Variants in PTK2B observed in about 807,000 individuals in gnomAD.
The protein encoded by PTK2B is protein tyrosine kinase 2 beta, also known as protein-tyrosine kinase 2-beta.
PTK2B carries 71 observed loss-of-function variants against 142.9 expected under a neutral mutation model. That is an observed-to-expected ratio of 0.50 (90% CI 0.41 to 0.61). The LOEUF (loss-of-function observed/expected upper bound fraction) is 0.61, where lower values mean the gene tolerates loss of function less well. Among genes scored for constraint, PTK2B ranks in the 20% least tolerant of loss-of-function variants. The probability of loss-of-function intolerance (pLI) is 0.00; values close to 1 mark genes in which losing one functional copy is unlikely to be tolerated. For missense variants in PTK2B, 1,105 were observed against 1,320.4 expected (o/e 0.84, Z 2.53); for synonymous variants, 519 against 503.4 (o/e 1.03, Z -0.42).
At chr8:27,388,990 T>C (rs1454183864) in intron 1 of PTK2B, among the ~76,000 whole-genome samples, 1 of 152,164 alleles carries the variant, frequency 6.6e-6, no homozygotes, top group Non-Finnish European at 1.5e-5. Context: ...CAGCATGTCA[T>C]GGGGTTTCCT....
chr8:27,346,912 G>GT (rs1804744907), intron 1 of PTK2B, among the ~76,000 whole-genome samples: 1 of 152,234 alleles, frequency 6.6e-6, no homozygotes, highest in Non-Finnish European at 1.5e-5. Flanking sequence ...AATGATGACT[G>GT]TTTTGCAGTT....
At position 27,364,323 on chromosome 8, in the gene PTK2B, C is replaced by G. The variant is rs577499517; in HGVS notation, c.-37-33225C>G. ...ATACTCCTGGGTGAATGATGGCCTC[C>G]TCCAAGAATTCCAGGTCCTATGCTA... On this transcript the variant is annotated intron_variant, in intron 1 of 30. Transcript: ENST00000346049. Among the ~76,000 whole-genome samples, 18 of 152,358 alleles carry G rather than the reference C, an allele frequency of 1.2e-4. 1 individual carries two copies. In the South Asian group the frequency reaches 3.7e-3, roughly 32 times the overall value.
intron 1 of PTK2B, among the ~76,000 whole-genome samples, chr8:27,354,798 A>C (rs2130619318): frequency 6.6e-6 from 1 of 152,152 alleles, no homozygotes; most frequent in East Asian, 1.9e-4. Flanking sequence ...TGCTTGTAGG[A>C]TCTCACCAAC....
chr8:27,382,664 C>G (rs1384054090), intron 1 of PTK2B, among the ~76,000 whole-genome samples: 1 of 152,070 alleles, frequency 6.6e-6, no homozygotes, highest in Non-Finnish European at 1.5e-5. Flanking sequence ...ATTTACCCTG[C>G]TTTCTTCTAG....
chr8:27,312,860 A>AT (rs1368356927), intron 2 of PTK2B, among the ~76,000 whole-genome samples: 1 of 152,210 alleles, frequency 6.6e-6, no homozygotes, highest in African/African-American at 2.4e-5. Context: ...TAAGAGCCCG[A>AT]TTCCAGAGAG....
At chr8:27,397,500 G>A in intron 1 of PTK2B, 48 bp from the exon 2 acceptor site, 2 of 1,414,524 alleles carry the variant, frequency 1.4e-6, no homozygotes, top group Admixed American at 1.7e-5. Flanking sequence ...TGAGGTATGT[G>A]GGCCTGTGTG....
rs771908485 is a variant in PTK2B, at chr8:27,445,785, C to T, written c.2215-9C>T. On this transcript the variant is annotated splice_polypyrimidine_tract_variant and intron_variant, in intron 23 of 30. Transcript: ENST00000346049. ...CCGTGCCTTGTGCTTCTTTGCTTTT[C>T]CTGAATAGGTTCCTGAGGGTCTGTG... 6.2e-7 allele frequency: 1 copy of T among 1,613,448 alleles called. No individual in the cohort carries two copies. Among genetic ancestry groups the T allele is most frequent in the African/African-American group, 1.3e-5 (1 of 75,058 alleles).
chr8:27,431,510 G>A (rs770017802), intron 9 of PTK2B, 38 bp downstream of exon 9: 10 of 1,611,582 alleles, frequency 6.2e-6, no homozygotes, highest in Admixed American at 3.3e-5. Context: ...AGCCCCAGGC[G>A]GGGAGGTCGT....
intron 13 of PTK2B, among the ~76,000 whole-genome samples, 185 bp downstream of exon 13, chr8:27,434,744 G>C (rs1301844723): frequency 6.6e-6 from 1 of 152,184 alleles, no homozygotes; most frequent in African/African-American, 2.4e-5. Flanking sequence ...GCTCATGCCT[G>C]TAATCCCAGC....
intron 22 of PTK2B, 70 bp from the exon 23 acceptor site, chr8:27,444,136 G>A (rs375673939): frequency 6.8e-7 from 1 of 1,481,370 alleles, no homozygotes; most frequent in East Asian, 2.3e-5. Context: ...TTGACCTGAT[G>A]TTCCCCTTGG....
chr8:27,339,649 G>A (rs1402826525), intron 1 of PTK2B, among the ~76,000 whole-genome samples: 5 of 152,218 alleles, frequency 3.3e-5, no homozygotes, highest in African/African-American at 7.2e-5. Flanking sequence ...TGGGACAATG[G>A]AAAGACTGGC....
chr8:27,410,330 G>C (rs896909340), intron 2 of PTK2B, among the ~76,000 whole-genome samples: 1 of 143,078 alleles, frequency 7.0e-6, no homozygotes, highest in Non-Finnish European at 1.5e-5. Flanking sequence ...CACAGCAAAG[G>C]CCTCAGCCCA....
At chr8:27,332,189 G>A (rs747832959) in intron 1 of PTK2B, among the ~76,000 whole-genome samples, 3 of 152,224 alleles carry the variant, frequency 2.0e-5, no homozygotes, top group South Asian at 4.1e-4. Flanking sequence ...GAGAGTCAGA[G>A]GGCAGGAGGC....
At chr8:27,376,856 A>G (rs1806702627) in intron 1 of PTK2B, among the ~76,000 whole-genome samples, 1 of 152,244 alleles carries the variant, frequency 6.6e-6, no homozygotes, top group Non-Finnish European at 1.5e-5. Context: ...GCAGCCTTCA[A>G]GACTGCTGTG....
intron 1 of PTK2B, among the ~76,000 whole-genome samples, chr8:27,367,790 C>G (rs1207807118): frequency 6.6e-6 from 1 of 152,124 alleles, no homozygotes; most frequent in African/African-American, 2.4e-5. Flanking sequence ...GTGCCAGCCT[C>G]CTTTTTAAAC....
At chr8:27,360,859 A>G (rs2322609) in intron 1 of PTK2B, among the ~76,000 whole-genome samples, 124,725 of 152,166 alleles carry the variant, frequency 0.82, 51,918 homozygotes, top group African/African-American at 0.88. Flanking sequence ...CCAGATGACA[A>G]CCAGGAAGGG....
chr8:27,438,284 A>G (rs1049547931), intron 18 of PTK2B, among the ~76,000 whole-genome samples: 5 of 152,092 alleles, frequency 3.3e-5, no homozygotes, highest in Admixed American at 2.6e-4. Flanking sequence ...GTCCTAGGCC[A>G]GACATCACCC....
chr8:27,338,076 T>C, intron 1 of PTK2B, among the ~76,000 whole-genome samples: 1 of 152,234 alleles, frequency 6.6e-6, no homozygotes, highest in East Asian at 1.9e-4. Flanking sequence ...GATGAAGTAG[T>C]ATCTTACTGT....
rs374576859 is a variant in PTK2B, at chr8:27,433,505, G to A, written c.1058G>A (p.Arg353Gln). Residue 353 changes from arginine (R) to glutamine (Q), a missense_variant, in exon 11 of 31, where the codon CGG (arginine) becomes CAG (glutamine). Transcript: ENST00000346049. ...NMADLIDGYCRLQGEHQGSLI... is the reference protein window; with the variant it reads ...NMADLIDGYCQLQGEHQGSLI... Reference sequence around the variant, plus strand: ...GCTGACCTCATAGACGGCTACTGCCGGCTGCAGGGTGAGCACCAAGGCTCT... The same window carrying A: ...GCTGACCTCATAGACGGCTACTGCCAGCTGCAGGGTGAGCACCAAGGCTCT... 1.2e-5 allele frequency: 19 copies of A among 1,614,188 alleles called. No individual in the cohort carries two copies. The highest frequency in any genetic ancestry group is 3.3e-5 in the South Asian group (3 of 91,080).
Sources: allele counts gnomAD v4.1 joint callset (sites outside exome capture counted in the v4.1 genomes callset), GRCh38; gene constraint gnomAD v4.1.1; transcripts MANE v1.5; gene names NCBI Gene and HGNC (gene_info 2026-07-23, HGNC 2026-07-21).